The following ASNS variants were observed in gnomAD, a reference collection of about 807,000 sequenced individuals.
ASNS encodes asparagine synthetase [glutamine-hydrolyzing].
In ASNS, 37 loss-of-function variants were observed where a neutral mutation model predicts 62.6. The ratio of observed to expected loss-of-function variants is 0.59; its 90% CI spans 0.45 to 0.78. The LOEUF (loss-of-function observed/expected upper bound fraction) is 0.78, where lower values mean the gene tolerates loss of function less well. Among genes scored for constraint, ASNS ranks in the 30% least tolerant of loss-of-function variants. The probability of loss-of-function intolerance (pLI) is 0.00; values close to 1 mark genes in which losing one functional copy is unlikely to be tolerated. For synonymous variants in ASNS, 207 were observed against 237.9 expected, an observed-to-expected ratio of 0.87 and a Z score of 1.19; for missense variants, 520 against 682.4, an observed-to-expected ratio of 0.76 and a Z score of 2.65.
At chr7:97,916,897 T>C in the ASNS span, among the ~76,000 whole-genome samples, 6,738 of 152,196 alleles carry the variant, frequency 0.044, 349 homozygotes, top group African/African-American at 0.12. Context: ...AGTCAGACCC[T>C]ATGAAGAAGA....
chr7:97,885,211 C>T, the ASNS span, among the ~76,000 whole-genome samples: 2 of 152,220 alleles, frequency 1.3e-5, no homozygotes, highest in Admixed American at 6.5e-5. Context: ...TGTTGTAGCA[C>T]GTGTTAGTAC....
At chr7:97,868,358 T>C (rs1411754866) in intron 3 of ASNS, among the ~76,000 whole-genome samples, 1 of 152,194 alleles carries the variant, frequency 6.6e-6, no homozygotes, top group African/African-American at 2.4e-5. Flanking sequence ...GGAAATTTCA[T>C]TTAAGTATTA....
At chr7:97,872,201 CCGCAGCATCAGCAGG>C (rs1792308739) in intron 1 of ASNS, 135 bp downstream of exon 1, 1 of 152,390 alleles carries the variant, frequency 6.6e-6, no homozygotes, top group African/African-American at 2.4e-5. Flanking sequence ...ACCGCAGGAG[CCGCAGCATCAGCAGG>C]CGCCCGCGAA....
At chr7:97,854,469 T>C (rs1265463616) in intron 10 of ASNS, 111 bp downstream of exon 10, 23 of 1,316,870 alleles carry the variant, frequency 1.7e-5, no homozygotes, top group Non-Finnish European at 2.3e-5. Flanking sequence ...ATATGTAACA[T>C]ATAGCCAATC....
chr7:97,915,083 C>T, the ASNS span, among the ~76,000 whole-genome samples: 3 of 152,230 alleles, frequency 2.0e-5, no homozygotes, highest in African/African-American at 7.2e-5. Context: ...CTACAGACAA[C>T]TGTGCTTCAA....
rs2115655166 is a variant in ASNS, at chr7:97,858,926, G to A, written c.703C>T (p.Leu235Phe). 2 of 1,613,418 alleles carry A rather than the reference G, an allele frequency of 1.2e-6. No individual in the cohort carries two copies. Among genetic ancestry groups the A allele is most frequent in the South Asian group, 1.1e-5 (1 of 90,810 alleles). ...ACAGCATTATTAAAAAGGATCCTGA[G>A]GTTGTTCTTCACAGTTTCTATCTCA... Reference protein sequence around the residue: ...GFEIETVKNNLRILFNNAVKK... With the variant: ...GFEIETVKNNFRILFNNAVKK... The change falls in exon 6 of 13, where the codon CTC (leucine) becomes TTC (phenylalanine). Residue 235 changes from leucine (L) to phenylalanine (F), a missense_variant. By Grantham distance (22) the Leu-to-Phe change is conservative (BLOSUM62 0). Coordinates refer to ENST00000394308, the MANE Select transcript of ASNS (RefSeq NM_001673.5).
chr7:97,853,166 A>C lies in ASNS; in HGVS notation c.1370T>G (p.Leu457Arg). Residue 457 changes from leucine to arginine, a missense_variant, in exon 12 of 13, where the codon CTG becomes CGG. Physicochemically the swap from Leu to Arg is moderately radical, Grantham distance 102. Transcript: ENST00000394308. ...LLRETFEDSN[L>R]IPKEILWRPK... ...TCGCCAGAGAATCTCTTTGGGTATC[A>C]GATTGGAATCCTCAAACGTCTCTCT... The C allele has an allele frequency of 6.2e-7, 1 of 1,611,618 alleles. No homozygotes were observed. Among genetic ancestry groups the C allele is most frequent in the Non-Finnish European group, 8.5e-7 (1 of 1,179,066 alleles).
At chr7:97,859,974 C>T (rs1791636740) in intron 4 of ASNS, among the ~76,000 whole-genome samples, 1 of 152,218 alleles carries the variant, frequency 6.6e-6, no homozygotes, top group Non-Finnish European at 1.5e-5. Flanking sequence ...TAAATTCTCA[C>T]AGACAGTACA....
At chr7:97,924,128 G>C in the ASNS span, among the ~76,000 whole-genome samples, 344 of 152,170 alleles carry the variant, frequency 2.3e-3, 3 homozygotes, top group African/African-American at 8.0e-3. Context: ...GGGCAACACA[G>C]CCCGCACTCC....
the ASNS span, among the ~76,000 whole-genome samples, chr7:97,878,990 A>G: frequency 6.6e-6 from 1 of 152,194 alleles, no homozygotes; most frequent in Non-Finnish European, 1.5e-5. Context: ...AAATAATGCT[A>G]CATTATCTAC....
At chr7:97,877,833 G>A in the ASNS span, among the ~76,000 whole-genome samples, 1 of 152,352 alleles carries the variant, frequency 6.6e-6, no homozygotes, top group Non-Finnish European at 1.5e-5. Flanking sequence ...AACAAAGCAA[G>A]TGTGACCATA....
At chr7:97,863,133 A>C (rs1242167337) in intron 4 of ASNS, 1 of 152,236 alleles carries the variant, frequency 6.6e-6, no homozygotes, top group Non-Finnish European at 1.5e-5. Flanking sequence ...CTACTCCTAG[A>C]TATACACCCA....
intron 3 of ASNS, among the ~76,000 whole-genome samples, chr7:97,865,186 A>G (rs1178316717): frequency 1.3e-5 from 2 of 152,212 alleles, no homozygotes; most frequent in Admixed American, 1.3e-4. Context: ...ATAAAATATG[A>G]CATACCATTA....
chr7:97,873,823 G>T (rs766359403), upstream of ASNS, among the ~76,000 whole-genome samples: 2 of 145,972 alleles, frequency 1.4e-5, no homozygotes. Flanking sequence ...CTGCTTGTCC[G>T]TCCAGAGCTC....
the ASNS span, among the ~76,000 whole-genome samples, chr7:97,886,468 T>A: frequency 2.8e-4 from 43 of 152,070 alleles, no homozygotes; most frequent in Non-Finnish European, 5.3e-4. Flanking sequence ...TATATTTACC[T>A]GCTCCCTTCA....
At chr7:97,906,323 T>C in the ASNS span, 2 of 403,250 alleles carry the variant, frequency 5.0e-6, no homozygotes, top group Non-Finnish European at 9.6e-6. Flanking sequence ...CAAAGATTTG[T>C]AATCTCCCAC....
chr7:97,854,887 A>G, intron 9 of ASNS: 2 of 777,346 alleles, frequency 2.6e-6, no homozygotes, highest in Non-Finnish European at 4.0e-6. Flanking sequence ...AATGAACACA[A>G]TGGGCAACAG....
chr7:97,864,551 A>AT (rs2115711555), intron 3 of ASNS, 55 bp from the exon 4 acceptor site: 2 of 1,236,376 alleles, frequency 1.6e-6, no homozygotes, highest in African/African-American at 1.5e-5. Context: ...TTCACTAATA[A>AT]TTTTTTATTG....
At chr7:97,921,444 CTT>C in the ASNS span, among the ~76,000 whole-genome samples, 1 of 152,140 alleles carries the variant, frequency 6.6e-6, no homozygotes, top group African/African-American at 2.4e-5. Flanking sequence ...TCCAATAAAA[CTT>C]TATTTGTGTG....
Sources: allele counts gnomAD v4.1 joint callset (sites outside exome capture counted in the v4.1 genomes callset), GRCh38; gene constraint gnomAD v4.1.1; transcripts MANE v1.5; gene names NCBI Gene and HGNC (gene_info 2026-07-23, HGNC 2026-07-21).